CPQ: variants seen among roughly 807,000 people sequenced by gnomAD.
CPQ encodes the protein carboxypeptidase Q.
In CPQ, 37 loss-of-function variants were observed where a neutral mutation model predicts 45.7. The ratio of observed to expected loss-of-function variants is 0.81; its 90% confidence interval spans 0.62 to 1.07. The LOEUF is 1.07. CPQ is among the 50% of genes least tolerant of loss of function. The probability of loss-of-function intolerance (pLI) is 0.00; values close to 1 mark genes in which losing one functional copy is unlikely to be tolerated. For missense variants in CPQ, 537 were observed against 572.9 expected (o/e 0.94, Z 0.64); for synonymous variants, 186 against 205.8 (o/e 0.90, Z 0.82).
intron 7 of CPQ, among the ~76,000 whole-genome samples, chr8:97,127,356 A>G (rs771332848): frequency 6.6e-6 from 1 of 152,178 alleles, no homozygotes; most frequent in Non-Finnish European, 1.5e-5. Flanking sequence ...AGATACACCA[A>G]TCCCCAGTAA....
At chr8:97,014,557 A>T (rs1054796332) in intron 5 of CPQ, among the ~76,000 whole-genome samples, 1 of 150,668 alleles carries the variant, frequency 6.6e-6, no homozygotes, top group African/African-American at 2.4e-5. Context: ...CATGAGAATC[A>T]CTTGAACCCA....
At chr8:97,097,083 C>T (rs942518307) in intron 7 of CPQ, among the ~76,000 whole-genome samples, 34 of 152,304 alleles carry the variant, frequency 2.2e-4, no homozygotes, top group African/African-American at 7.5e-4. Context: ...TTGTGCTGCT[C>T]CTGTCTAGAA....
chr8:97,032,186 T>C (rs1040977004), intron 6 of CPQ, among the ~76,000 whole-genome samples: 1 of 152,090 alleles, frequency 6.6e-6, no homozygotes, highest in Non-Finnish European at 1.5e-5. Flanking sequence ...AAATAATAGG[T>C]CAAATTTCAA....
At chr8:96,775,209 C>T (rs1810590509) in intron 1 of CPQ, among the ~76,000 whole-genome samples, 1 of 152,102 alleles carries the variant, frequency 6.6e-6, no homozygotes, top group Non-Finnish European at 1.5e-5. Context: ...CTTTCCCATC[C>T]TATTAGACAC....
At chr8:96,721,346 A>C (rs1221614557) in intron 1 of CPQ, among the ~76,000 whole-genome samples, 1 of 152,048 alleles carries the variant, frequency 6.6e-6, no homozygotes, top group Non-Finnish European at 1.5e-5. Context: ...TTATTCTCTC[A>C]GAGATTGCAG....
intron 1 of CPQ, among the ~76,000 whole-genome samples, chr8:96,723,283 A>G (rs748778730): frequency 9.2e-5 from 14 of 152,226 alleles, no homozygotes; most frequent in Non-Finnish European, 1.9e-4. Context: ...GAATATATCA[A>G]TTAAGCAAAT....
At chr8:96,711,136 A>G in intron 1 of CPQ, among the ~76,000 whole-genome samples, 1 of 152,110 alleles carries the variant, frequency 6.6e-6, no homozygotes, top group Non-Finnish European at 1.5e-5. Context: ...TGACATCAGA[A>G]TAGCTACTCC....
intron 4 of CPQ, among the ~76,000 whole-genome samples, chr8:96,961,929 A>G (rs2130355724): frequency 6.6e-6 from 1 of 152,208 alleles, no homozygotes; most frequent in Non-Finnish European, 1.5e-5. Flanking sequence ...TCATCTCATA[A>G]TCAGGTGGAT....
intron 2 of CPQ, among the ~76,000 whole-genome samples, chr8:96,792,461 A>T (rs545883558): frequency 6.6e-6 from 1 of 152,232 alleles, no homozygotes; most frequent in African/African-American, 2.4e-5. Flanking sequence ...ATTAATCCTC[A>T]TTGGAGACTG....
At chr8:97,113,560 G>T (rs1811534724) in intron 7 of CPQ, among the ~76,000 whole-genome samples, 1 of 152,198 alleles carries the variant, frequency 6.6e-6, no homozygotes, top group African/African-American at 2.4e-5. Flanking sequence ...AGTTCCATGT[G>T]GTGGAGGCAG....
At chr8:97,135,786 C>A (rs1812046503) in intron 7 of CPQ, among the ~76,000 whole-genome samples, 1 of 152,200 alleles carries the variant, frequency 6.6e-6, no homozygotes, top group Admixed American at 6.5e-5. Context: ...ATCCTTCACA[C>A]AGAACCACAG....
At chr8:97,073,910 C>T (rs994367459) in intron 7 of CPQ, among the ~76,000 whole-genome samples, 12 of 152,176 alleles carry the variant, frequency 7.9e-5, no homozygotes, top group African/African-American at 2.9e-4. Flanking sequence ...ATGACATCCT[C>T]ATCAATATTG....
chr8:96,654,034 A>T (rs1443371484), intron 1 of CPQ, among the ~76,000 whole-genome samples: 1 of 152,252 alleles, frequency 6.6e-6, no homozygotes, highest in Non-Finnish European at 1.5e-5. Flanking sequence ...AGAAGCGTTC[A>T]TGTCATAAAA....
At chr8:97,003,732 A>C (rs1293338710) in intron 5 of CPQ, among the ~76,000 whole-genome samples, 2 of 152,150 alleles carry the variant, frequency 1.3e-5, no homozygotes, top group Non-Finnish European at 2.9e-5. Context: ...GGCCTTTAAA[A>C]TGTCACCATT....
chr8:96,953,813 C>T (rs1011215410), intron 4 of CPQ, among the ~76,000 whole-genome samples: 3 of 152,184 alleles, frequency 2.0e-5, no homozygotes, highest in African/African-American at 4.8e-5. Flanking sequence ...CCAGACAGAC[C>T]GCTATCAACT....
At chr8:96,801,735 G>A (rs1764248085) in intron 2 of CPQ, among the ~76,000 whole-genome samples, 1 of 152,122 alleles carries the variant, frequency 6.6e-6, no homozygotes, top group South Asian at 2.1e-4. Context: ...AATGTAGGCT[G>A]ATAGCATCAG....
At chr8:96,934,306 G>A (rs1813015852) in intron 4 of CPQ, among the ~76,000 whole-genome samples, 1 of 152,204 alleles carries the variant, frequency 6.6e-6, no homozygotes, top group African/African-American at 2.4e-5. Flanking sequence ...GCTATGGCAT[G>A]GGAAGACTTT....
intron 4 of CPQ, among the ~76,000 whole-genome samples, chr8:96,949,769 G>A (rs1312890172): frequency 6.6e-6 from 1 of 151,996 alleles, no homozygotes; most frequent in East Asian, 1.9e-4. Flanking sequence ...GCCAATTTTA[G>A]ATTCTCTTAT....
intron 6 of CPQ, among the ~76,000 whole-genome samples, chr8:97,051,045 G>GTGAC (rs1810352007): frequency 6.6e-6 from 1 of 152,092 alleles, no homozygotes. Context: ...TAGCTATTAT[G>GTGAC]TGACAGAACC....
Sources: gnomAD v4.1 joint callset for allele counts (sites outside exome capture counted in the v4.1 genomes callset) on GRCh38, gnomAD v4.1.1 for gene constraint, MANE v1.5 for transcripts, NCBI Gene and HGNC (gene_info 2026-07-23, HGNC 2026-07-21) for gene names.